Variants in GRHPR observed in about 807,000 individuals in gnomAD.
GRHPR encodes the protein glyoxylate and hydroxypyruvate reductase.
Under a neutral mutation model 36.8 loss-of-function variants are expected in GRHPR, and 35 were observed. The observed-to-expected ratio is 0.95, with a 90% CI of 0.73 to 1.26. The LOEUF (loss-of-function observed/expected upper bound fraction) is 1.26. Among genes scored for constraint, GRHPR ranks in the 50% most tolerant of loss-of-function variants. The probability of loss-of-function intolerance (pLI) is 0.00; values close to 1 mark genes in which losing one functional copy is unlikely to be tolerated. For synonymous variants in GRHPR, 179 were observed against 181.0 expected, an observed-to-expected ratio of 0.99 and a Z score of 0.09; for missense variants, 380 against 435.0, an observed-to-expected ratio of 0.87 and a Z score of 1.12.
chr9:37,439,412 T>C (rs1253168683), downstream of GRHPR: 1 of 152,222 alleles, frequency 6.6e-6, no homozygotes, highest in African/African-American at 2.4e-5. Flanking sequence ...TGGTATCAGA[T>C]TGGGGGAGCA....
intron 4 of GRHPR, among the ~76,000 whole-genome samples, chr9:37,426,926 A>G (rs1052166527): frequency 2.7e-5 from 4 of 150,400 alleles, no homozygotes; most frequent in Non-Finnish European, 4.4e-5. Flanking sequence ...ACTCCAGCCC[A>G]GGTGACGGTG....
Position 37,422,851 on chromosome 9 carries a change from C to A in GRHPR, c.83+18C>A. On this transcript the variant is annotated intron_variant, in intron 1 of 8. Transcript: ENST00000318158. ...GCGGCAGAGTAAGAGCCTCGCGCGC[C>A]GTGGAGGAGGGAGCAGGGCGGTCCC... The A allele has an allele frequency of 6.4e-7, 1 of 1,561,838 alleles. No individual in the cohort carries two copies. Among genetic ancestry groups the A allele is most frequent in the Non-Finnish European group, 8.7e-7 (1 of 1,150,302 alleles).
rs1300772374 is a variant in GRHPR at position 37,436,150 on chromosome 9, C to A, written c.866-511C>A. Among the ~76,000 whole-genome samples, 8 of 152,344 alleles carry A rather than the reference C, an allele frequency of 5.3e-5. No homozygotes were observed. In the East Asian group the frequency reaches 1.2e-3, roughly 22 times the overall value. ...TTGAGACAGAGTCTCCCTCTGTCAT[C>A]CAGGCTAGAGTGCAATGGTGCAATC... On this transcript the variant is annotated intron_variant, in intron 8 of 8. Coordinates refer to ENST00000318158, the MANE Select transcript of GRHPR (RefSeq NM_012203.2).
chr9:37,433,549 G>A (rs560386791), intron 8 of GRHPR, among the ~76,000 whole-genome samples: 16 of 152,136 alleles, frequency 1.1e-4, no homozygotes, highest in Admixed American at 2.0e-4. Context: ...TTTTGAGTTC[G>A]TCAGAATCAC....
In GRHPR at chr9:37,436,848, T is replaced by C. The variant is rs1823691454; in HGVS notation, c.*66T>C. 3 of 1,563,500 alleles carry C rather than the reference T, an allele frequency of 1.9e-6. No individual in the cohort carries two copies. The highest frequency in any genetic ancestry group is 1.3e-5 in the African/African-American group (1 of 74,098). ...CTGGTATTGTCAGACACACCCAGGCTTGATTTGGATCCACAGGCAGAGCCA... is the reference window on the plus strand; with the variant it reads ...CTGGTATTGTCAGACACACCCAGGCCTGATTTGGATCCACAGGCAGAGCCA... On this transcript the variant is annotated 3_prime_UTR_variant, in exon 9 of 9. Transcript: ENST00000318158.
chr9:37,438,383 T>C (rs142716776), downstream of GRHPR: 1 of 152,608 alleles, frequency 6.6e-6, no homozygotes, highest in Non-Finnish European at 1.5e-5. Flanking sequence ...TGCTACAGCA[T>C]GTACAAGGAC....
In GRHPR at chr9:37,424,915, G is replaced by T. The variant is rs749990630; in HGVS notation, c.154G>T (p.Ala52Ser). ...GGAGCTAGAGCGAGGTGTGGCGGGG[G>T]CCCACGGCCTGCTCTGCCTCCTCTC... ...AKELERGVAG[A>S]HGLLCLLSDH... Residue 52 changes from alanine (A) to serine (S), a missense_variant, in exon 2 of 9, where the codon GCC becomes TCC. By Grantham distance (99) the Ala-to-Ser change is moderately conservative. Coordinates refer to ENST00000318158, the MANE Select transcript of GRHPR (RefSeq NM_012203.2). 30 of 1,612,430 alleles carry T rather than the reference G, an allele frequency of 1.9e-5. No individual in the cohort carries two copies. The highest frequency in any genetic ancestry group is 2.5e-5 in the Non-Finnish European group (29 of 1,179,684).
chr9:37,432,154 T>G lies in GRHPR; in HGVS notation c.865+16T>G. On this transcript the variant is annotated intron_variant, in intron 8 of 8. Coordinates refer to ENST00000318158, the MANE Select transcript of GRHPR (RefSeq NM_012203.2). ...AAGAACTGTGGTAAGAACTGCACTT[T>G]CTGATGCAAACTCCCTGCTGCCCTG... 1 of 1,613,558 alleles carries G rather than the reference T, an allele frequency of 6.2e-7. No homozygotes were observed. The highest frequency in any genetic ancestry group is 1.3e-5 in the African/African-American group (1 of 75,018).
intron 8 of GRHPR, chr9:37,434,952 T>G (rs1290209378): frequency 1.3e-5 from 2 of 152,272 alleles, no homozygotes; most frequent in Non-Finnish European, 2.9e-5. Flanking sequence ...TCATTATATG[T>G]CTGAAACGTT....
At chr9:37,433,090 G>C (rs905767210) in intron 8 of GRHPR, among the ~76,000 whole-genome samples, 4 of 152,210 alleles carry the variant, frequency 2.6e-5, no homozygotes, top group Non-Finnish European at 5.9e-5. Flanking sequence ...AACACTTGGT[G>C]AACCAGCCCC....
intron 8 of GRHPR, among the ~76,000 whole-genome samples, chr9:37,435,494 T>TG (rs1311770112): frequency 8.5e-5 from 13 of 152,136 alleles, no homozygotes; most frequent in African/African-American, 2.4e-4. Flanking sequence ...AGCTCTGGTT[T>TG]GGGGTCCATG....
intron 8 of GRHPR, among the ~76,000 whole-genome samples, chr9:37,433,145 G>A (rs552297418): frequency 2.6e-5 from 4 of 152,182 alleles, no homozygotes; most frequent in African/African-American, 7.2e-5. Flanking sequence ...GTCAGTGCCC[G>A]TGCCACCGAA....
At chr9:37,425,376 G>A (rs548090683) in intron 2 of GRHPR, among the ~76,000 whole-genome samples, 1 of 152,348 alleles carries the variant, frequency 6.6e-6, no homozygotes, top group African/African-American at 2.4e-5. Context: ...CGCAGCCACG[G>A]GTCTCAGCCC....
At chr9:37,432,325 A>G in intron 8 of GRHPR, 187 bp downstream of exon 8, 2 of 615,924 alleles carry the variant, frequency 3.2e-6, no homozygotes, top group Admixed American at 2.2e-5. Flanking sequence ...CCTCTTGCGC[A>G]TGCTCTGCTG....
At chr9:37,426,687 C>T (rs1368307474) in intron 4 of GRHPR, 33 bp downstream of exon 4, 5 of 1,247,358 alleles carry the variant, frequency 4.0e-6, no homozygotes, top group South Asian at 1.2e-5. Context: ...CGGTGGCTCA[C>T]GGCTGTAATC....
chr9:37,430,848 GC>G, intron 7 of GRHPR: 1 of 678,562 alleles, frequency 1.5e-6, no homozygotes. Context: ...AGTGGGCCTG[GC>G]CTGTCTGCTT....
At chr9:37,431,452 T>C (rs1823362435) in intron 7 of GRHPR, 1 of 245,608 alleles carries the variant, frequency 4.1e-6, no homozygotes, top group South Asian at 5.2e-5. Flanking sequence ...TGCACAAGTA[T>C]TACTTAGTGC....
In GRHPR at chr9:37,436,779, G is replaced by T; in HGVS notation, c.984G>T (p.Leu328=). 6.2e-7 allele frequency: 1 copy of T among 1,614,070 alleles called. No homozygotes were observed. The highest frequency in any genetic ancestry group is 8.5e-7 in the Non-Finnish European group (1 of 1,179,956). Residue 328 remains leucine (L), a synonymous_variant, in exon 9 of 9, where the codon CTG becomes CTT. Transcript: ENST00000318158. ...AGCCGATGCCTAGTGAACTCAAGCT[G>T]TAGCCAAACAGTAGAGATGGAGGGC... The part of the protein sequence containing the change: ...RGEPMPSELK[L]
chr9:37,429,108 G>C (rs1314242543), intron 5 of GRHPR: 1 of 289,114 alleles, frequency 3.5e-6, no homozygotes, highest in African/African-American at 2.2e-5. Context: ...CTGTCATCCT[G>C]CCTGGTGCAG....
Sources: gnomAD v4.1 joint callset for allele counts (sites outside exome capture counted in the v4.1 genomes callset) on GRCh38, gnomAD v4.1.1 for gene constraint, MANE v1.5 for transcripts, NCBI Gene and HGNC (gene_info 2026-07-23, HGNC 2026-07-21) for gene names.